Variants in DHRS7B observed in about 807,000 individuals in gnomAD.
DHRS7B encodes peroxisomal reductase activating PPAR-gamma.
DHRS7B carries 24 observed loss-of-function variants against 26.4 expected under a neutral mutation model. The observed-to-expected ratio is 0.91, with a 90% CI of 0.66 to 1.28. The LOEUF (loss-of-function observed/expected upper bound fraction) is 1.28, where lower values mean the gene tolerates loss of function less well. Ranked by LOEUF, DHRS7B falls within the 50% of genes most tolerant of loss-of-function variation. DHRS7B has a pLI of 0.00. For missense variants in DHRS7B, 368 were observed against 419.4 expected (o/e 0.88, Z 1.07); for synonymous variants, 142 against 166.4 (o/e 0.85, Z 1.13).
chr17:21,148,281 A>G (rs1973685237), intron 1 of DHRS7B, among the ~76,000 whole-genome samples: 2 of 152,130 alleles, frequency 1.3e-5, no homozygotes, highest in South Asian at 2.1e-4. Context: ...GATCTCCAAG[A>G]TAACACACAC....
chr17:21,191,330 C>A lies in DHRS7B; in HGVS notation c.*177C>A. 1 of 649,176 alleles carries A rather than the reference C, an allele frequency of 1.5e-6. No homozygotes were observed. Among genetic ancestry groups the A allele is most frequent in the Non-Finnish European group, 2.6e-6 (1 of 381,300 alleles). 40.2% of individuals were successfully genotyped at this position (649,176 alleles called of 1,614,324 possible). ...GAGGACAATCAAAAACGACAACAAG[C>A]TTCTTCCCAGGGTGAGGGGAAACAC... On this transcript the variant is annotated 3_prime_UTR_variant, in exon 7 of 7. Coordinates refer to ENST00000395511, the MANE Select transcript of DHRS7B (RefSeq NM_015510.5).
At chr17:21,166,132 C>A (rs1046946748) in intron 1 of DHRS7B, 20 of 985,220 alleles carry the variant, frequency 2.0e-5, no homozygotes, top group East Asian at 1.1e-4. Context: ...CTCCGCCCCC[C>A]CTCACAGGAT....
At chr17:21,172,370 A>G (rs765546804) in intron 2 of DHRS7B, 174 bp downstream of exon 2, 30 of 613,772 alleles carry the variant, frequency 4.9e-5, no homozygotes, top group Non-Finnish European at 7.6e-5. Context: ...AGCAGGAGCC[A>G]AGGCACAGTG....
intron 1 of DHRS7B, among the ~76,000 whole-genome samples, chr17:21,160,289 G>A (rs564589917): frequency 1.5e-4 from 23 of 152,192 alleles, no homozygotes; most frequent in Non-Finnish European, 2.6e-4. Context: ...CCCAGGAGGC[G>A]GAGGTTGCAG....
intron 1 of DHRS7B, among the ~76,000 whole-genome samples, chr17:21,137,690 C>G (rs1231771949): frequency 1.3e-5 from 2 of 152,052 alleles, no homozygotes; most frequent in Non-Finnish European, 2.9e-5. Flanking sequence ...CTCCCAACCT[C>G]AGGTGATCCG....
At chr17:21,168,788 G>T in intron 1 of DHRS7B, 3 of 985,474 alleles carry the variant, frequency 3.0e-6, no homozygotes, top group Non-Finnish European at 3.6e-6. Flanking sequence ...CCATTCACCC[G>T]GCGCCATGTT....
chr17:21,132,954 G>A (rs1045880320), intron 1 of DHRS7B, among the ~76,000 whole-genome samples: 4 of 152,104 alleles, frequency 2.6e-5, no homozygotes, highest in African/African-American at 9.7e-5. Context: ...GGGCTTCAGA[G>A]TCTGAGTACG....
chr17:21,131,749 G>A (rs1454256393), intron 1 of DHRS7B, among the ~76,000 whole-genome samples: 1 of 152,178 alleles, frequency 6.6e-6, no homozygotes, highest in African/African-American at 2.4e-5. Context: ...CTTCCTTGCT[G>A]TACTTAGCTA....
chr17:21,139,962 A>T (rs1324579104), intron 1 of DHRS7B, among the ~76,000 whole-genome samples: 1 of 151,594 alleles, frequency 6.6e-6, no homozygotes, highest in Non-Finnish European at 1.5e-5. Context: ...TAGGCATGCC[A>T]ATAGAAGTAC....
intron 1 of DHRS7B, among the ~76,000 whole-genome samples, chr17:21,141,640 A>AAAAAAAAG: frequency 0.022 from 1,970 of 89,990 alleles, 357 homozygotes; most frequent in South Asian, 0.038. Flanking sequence ...AAAAAAAAAA[A>AAAAAAAAG]CAACCTCATC....
intron 1 of DHRS7B, chr17:21,166,315 G>C (rs1255528520): frequency 1.0e-6 from 1 of 985,256 alleles, no homozygotes; most frequent in Non-Finnish European, 1.2e-6. Flanking sequence ...CTGAAGGCTG[G>C]CTTCTGAAAA....
chr17:21,181,740 T>G (rs1974518297), intron 3 of DHRS7B, among the ~76,000 whole-genome samples: 1 of 152,228 alleles, frequency 6.6e-6, no homozygotes, highest in South Asian at 2.1e-4. Flanking sequence ...CTGATTCCCT[T>G]TTCAGATTAT....
chr17:21,181,977 T>C (rs1974523617), intron 3 of DHRS7B, among the ~76,000 whole-genome samples: 1 of 152,232 alleles, frequency 6.6e-6, no homozygotes, highest in South Asian at 2.1e-4. Flanking sequence ...CAATGTTGAG[T>C]AGCCGTTGTG....
At chr17:21,175,211 TTCCC>T (rs1974348182) in intron 2 of DHRS7B, among the ~76,000 whole-genome samples, 1 of 152,208 alleles carries the variant, frequency 6.6e-6, no homozygotes, top group African/African-American at 2.4e-5. Context: ...TCAGGGAGCC[TTCCC>T]TCAGACCTCT....
At chr17:21,127,290 G>A (rs1973121448) in intron 1 of DHRS7B, 1 of 414,402 alleles carries the variant, frequency 2.4e-6, no homozygotes, top group African/African-American at 2.1e-5. Context: ...GTGTGTGAAA[G>A]GCCTCGCGCC....
chr17:21,181,179 C>G lies in DHRS7B; in HGVS notation c.310-2415C>G, dbSNP rs879854324. 2.6e-4 allele frequency among the ~76,000 whole-genome samples: 39 copies of G among 152,242 alleles called. No individual in the cohort carries two copies. In the East Asian group the frequency reaches 5.0e-3, roughly 20 times the overall value. On this transcript the variant is annotated intron_variant, in intron 3 of 6. Coordinates refer to ENST00000395511, the MANE Select transcript of DHRS7B (RefSeq NM_015510.5). ...ATGGCTCACTGCAGCCTGAAAATCT[C>G]AGGCTCAAGCAATCCTCTGCCTCAG... is the stretch of plus-strand genomic sequence containing the variant.
chr17:21,154,302 C>A (rs562349287), intron 1 of DHRS7B, among the ~76,000 whole-genome samples: 30 of 151,182 alleles, frequency 2.0e-4, no homozygotes, highest in Non-Finnish European at 4.0e-4. Context: ...AAGAGCCAAG[C>A]TCTCTCTCCA....
At position 21,132,575 on chromosome 17, in the gene DHRS7B, G is replaced by C. The variant is rs114984388; in HGVS notation, c.20+5584G>C. On this transcript the variant is annotated intron_variant, in intron 1 of 6. Coordinates refer to ENST00000395511, the MANE Select transcript of DHRS7B (RefSeq NM_015510.5). ...CAAAAAAAAAACAGGGAAGTGAGGT[G>C]TAGAAAGAGCTAGATTGGTTGCAGC... Among the ~76,000 whole-genome samples the C allele has an allele frequency of 9.8e-3, 1,466 of 149,986 alleles. 25 individuals are homozygous for C. Among genetic ancestry groups the C allele is most frequent in the African/African-American group, 0.034 (1,395 of 40,906 alleles).
intron 2 of DHRS7B, among the ~76,000 whole-genome samples, chr17:21,172,624 C>T (rs1472557053): frequency 3.3e-5 from 5 of 152,310 alleles, no homozygotes; most frequent in East Asian, 3.9e-4. Flanking sequence ...TAGATTCAGC[C>T]GGGGCCTCTG....
Sources: allele counts gnomAD v4.1 joint callset (sites outside exome capture counted in the v4.1 genomes callset), GRCh38; gene constraint gnomAD v4.1.1; transcripts MANE v1.5; gene names NCBI Gene and HGNC (gene_info 2026-07-23, HGNC 2026-07-21).